The following PHF20L1 variants were observed in gnomAD, a reference collection of about 807,000 sequenced individuals.
PHF20L1 encodes the protein PHD finger protein 20-like protein 1.
In PHF20L1, 44 loss-of-function variants were observed where a neutral mutation model predicts 125.5. That is an observed-to-expected ratio of 0.35 (90% CI 0.28 to 0.45). The LOEUF (loss-of-function observed/expected upper bound fraction) is 0.45, where lower values mean the gene tolerates loss of function less well. Ranked by LOEUF, PHF20L1 falls within the 20% of genes least tolerant of loss-of-function variation. The probability of loss-of-function intolerance (pLI) is 1.00; values close to 1 mark genes in which losing one functional copy is unlikely to be tolerated. For missense variants in PHF20L1, 1,012 were observed against 1,217.2 expected, an observed-to-expected ratio of 0.83 and a Z score of 2.51; for synonymous variants, 380 against 403.1, an observed-to-expected ratio of 0.94 and a Z score of 0.69.
chr8:132,795,917 GTC>G (rs1832334506), intron 4 of PHF20L1, among the ~76,000 whole-genome samples: 1 of 151,906 alleles, frequency 6.6e-6, no homozygotes, highest in African/African-American at 2.4e-5. Flanking sequence ...AATCTCTCTT[GTC>G]TCTCTCTTGC....
At chr8:132,824,361 G>C (rs1435482821) in intron 13 of PHF20L1, 1 of 229,290 alleles carries the variant, frequency 4.4e-6, no homozygotes, top group Non-Finnish European at 8.4e-6. Context: ...ATATTGTTGA[G>C]ACTTTAGAGA....
intron 2 of PHF20L1, among the ~76,000 whole-genome samples, chr8:132,783,071 C>T (rs1166001477): frequency 4.6e-5 from 7 of 151,984 alleles, no homozygotes; most frequent in Admixed American, 2.0e-4. Flanking sequence ...CTACAGTAAG[C>T]GATTGTTACA....
intron 2 of PHF20L1, among the ~76,000 whole-genome samples, chr8:132,787,462 G>T (rs144944290): frequency 3.3e-5 from 5 of 152,102 alleles, no homozygotes; most frequent in Non-Finnish European, 7.4e-5. Context: ...GGATCAATAG[G>T]TCTGAAAAGG....
chr8:132,839,970 A>G (rs942963038), intron 18 of PHF20L1, among the ~76,000 whole-genome samples: 8 of 151,994 alleles, frequency 5.3e-5, no homozygotes, highest in African/African-American at 1.9e-4. Context: ...TTTTTTTTAT[A>G]AAGATTGATT....
At chr8:132,829,260 TAAG>T (rs1836515816) in intron 14 of PHF20L1, among the ~76,000 whole-genome samples, 3 of 152,074 alleles carry the variant, frequency 2.0e-5, no homozygotes, top group Non-Finnish European at 4.4e-5. Flanking sequence ...ATGGAGTTGA[TAAG>T]AAGGCAGCCT....
At chr8:132,829,079 A>G (rs1022648428) in intron 14 of PHF20L1, among the ~76,000 whole-genome samples, 2 of 152,204 alleles carry the variant, frequency 1.3e-5, no homozygotes, top group African/African-American at 4.8e-5. Flanking sequence ...ACTTTTATTC[A>G]TAATAGCCAG....
chr8:132,823,006 T>G, intron 12 of PHF20L1, among the ~76,000 whole-genome samples: 2 of 151,976 alleles, frequency 1.3e-5, no homozygotes, highest in East Asian at 3.9e-4. Flanking sequence ...TGGGAATGGT[T>G]GAATATGAAT....
chr8:132,781,686 C>A (rs181142358), intron 2 of PHF20L1, among the ~76,000 whole-genome samples: 56 of 152,278 alleles, frequency 3.7e-4, no homozygotes, highest in African/African-American at 1.3e-3. Context: ...CTGCCTCAGT[C>A]CCCCACAGTG....
Position 132,804,670 on chromosome 8 carries a change from A to G in PHF20L1, c.777A>G (p.Leu259=). The change falls in exon 8 of 21, where the codon TTA becomes TTG. Residue 259 remains leucine, a synonymous_variant. Coordinates refer to ENST00000395386, the MANE Select transcript of PHF20L1 (RefSeq NM_016018.5). The part of the protein sequence containing the change: ...KMVFPQPEST[L]SNKRKNNQGN... ...TCTTTCCACAGCCAGAGAGCACATTATCAAACAAGAGGAAAAATAATCAAG... is the reference window on the plus strand; with the variant it reads ...TCTTTCCACAGCCAGAGAGCACATTGTCAAACAAGAGGAAAAATAATCAAG... 1.2e-6 allele frequency: 2 copies of G among 1,609,964 alleles called. No individual in the cohort carries two copies. The highest frequency in any genetic ancestry group is 1.7e-6 in the Non-Finnish European group (2 of 1,176,890).
At chr8:132,799,373 A>G (rs1832777471) in intron 6 of PHF20L1, 1 of 436,272 alleles carries the variant, frequency 2.3e-6, no homozygotes, top group Admixed American at 3.5e-5. Context: ...TCTCTGAGTC[A>G]TGTGATGGAA....
intron 15 of PHF20L1, 71 bp from the exon 16 acceptor site, chr8:132,836,469 C>T: frequency 1.0e-6 from 1 of 991,940 alleles, no homozygotes; most frequent in Non-Finnish European, 1.5e-6. Context: ...CTTCTCATAG[C>T]TCCTTTCTTT....
In PHF20L1 at chr8:132,829,085, G is replaced by A. The variant is rs6996822; in HGVS notation, c.1745-3150G>A. 1.5e-3 allele frequency among the ~76,000 whole-genome samples: 225 copies of A among 152,138 alleles called. 1 individual carries two copies. Among genetic ancestry groups the A allele is most frequent in the African/African-American group, 5.3e-3 (219 of 41,544 alleles). ...ACATAACAGACTTTTATTCATAATAGCCAGAGGGAATTGAAGTGGGGAATA... is the reference window on the plus strand; with the variant it reads ...ACATAACAGACTTTTATTCATAATAACCAGAGGGAATTGAAGTGGGGAATA... On this transcript the variant is annotated intron_variant, in intron 14 of 20. Transcript: ENST00000395386.
intron 18 of PHF20L1, 94 bp from the exon 19 acceptor site, chr8:132,842,421 C>A: frequency 1.7e-6 from 2 of 1,162,874 alleles, no homozygotes; most frequent in Non-Finnish European, 2.4e-6. Context: ...CCTAGATGTC[C>A]TCCTAACCTA....
chr8:132,822,474 G>A (rs757168775), intron 12 of PHF20L1, among the ~76,000 whole-genome samples: 2 of 151,950 alleles, frequency 1.3e-5, no homozygotes, highest in Non-Finnish European at 2.9e-5. Context: ...ATCACTGTTA[G>A]CAATATATCT....
At chr8:132,825,173 G>A in intron 13 of PHF20L1, 91 bp from the exon 14 acceptor site, 1 of 1,563,328 alleles carries the variant, frequency 6.4e-7, no homozygotes, top group South Asian at 1.1e-5. Flanking sequence ...TGGAATAGCT[G>A]ATTAAAACAT....
Position 132,836,654 on chromosome 8 carries a change from A to G in PHF20L1, c.2024A>G (p.Asp675Gly). 1 of 1,613,204 alleles carries G rather than the reference A, an allele frequency of 6.2e-7. No homozygotes were observed. The highest frequency in any genetic ancestry group is 8.5e-7 in the Non-Finnish European group (1 of 1,179,388). The change falls in exon 16 of 21, where the codon GAT (aspartate) becomes GGT (glycine). Residue 675 changes from aspartate to glycine, a missense_variant. Around this residue, in one of 7 missense-constraint regions of PHF20L1, gnomAD observed 320 missense variants for 293.8 expected, o/e 1.09. Transcript: ENST00000395386. Reference sequence around the variant, plus strand: ...AATTTTGAGGAATCTCAGGATGAGGATGATGCTCTTAATGAAATTGTGCGA... The same window carrying G: ...AATTTTGAGGAATCTCAGGATGAGGGTGATGCTCTTAATGAAATTGTGCGA... ...STNFEESQDE[D>G]DALNEIVRCI... is the part of the protein sequence containing the mutation.
At chr8:132,836,795 ATTTC>A in intron 16 of PHF20L1, 74 bp downstream of exon 16, 1 of 1,061,204 alleles carries the variant, frequency 9.4e-7, no homozygotes, top group African/African-American at 1.6e-5. Context: ...ACGGTGTTTT[ATTTC>A]TTTACTGACT....
chr8:132,845,939 A>T lies in PHF20L1; in HGVS notation c.*16A>T. The T allele has an allele frequency of 6.3e-7, 1 of 1,597,144 alleles. No homozygotes were observed. Among genetic ancestry groups the T allele is most frequent in the Non-Finnish European group, 8.6e-7 (1 of 1,167,610 alleles). On this transcript the variant is annotated 3_prime_UTR_variant, in exon 21 of 21. Transcript: ENST00000395386. ...CTCTGTATGACAACAGTGAACACTT[A>T]ATGAAAGAATGTGGCTTTCTTCAGT...
In PHF20L1 at chr8:132,812,477, T is replaced by C. The variant is rs998102049; in HGVS notation, c.930+1349T>C. On this transcript the variant is annotated intron_variant, in intron 9 of 20. Coordinates refer to ENST00000395386, the MANE Select transcript of PHF20L1 (RefSeq NM_016018.5). ...TTGAATTTAAAAAAGAAAGGAAAAT[T>C]GTGTAACTCGGCTGTTTCTATTTTC... The C allele has an allele frequency of 6.8e-5, 67 of 984,724 alleles. No homozygotes were observed. In the African/African-American group the frequency reaches 1.1e-3, roughly 16 times the overall value. 61.0% of individuals were successfully genotyped at this position (984,724 alleles called of 1,614,324 possible).
Sources: allele counts gnomAD v4.1 joint callset (sites outside exome capture counted in the v4.1 genomes callset), GRCh38; gene constraint gnomAD v4.1.1; regional missense constraint gnomAD v4.1.1; transcripts MANE v1.5; gene names NCBI Gene and HGNC (gene_info 2026-07-23, HGNC 2026-07-21).